The following SPAG16 variants were observed in gnomAD, a reference collection of about 807,000 sequenced individuals.
SPAG16 encodes sperm associated antigen 16.
In SPAG16, 86 loss-of-function variants were observed where a neutral mutation model predicts 80.4. The ratio of observed to expected loss-of-function variants is 1.07; its 90% CI spans 0.90 to 1.28. The LOEUF is 1.28. SPAG16 is among the 50% of genes most tolerant of loss of function. The pLI is 0.00. For synonymous variants in SPAG16, 294 were observed against 265.9 expected (o/e 1.11, Z -1.03); for missense variants, 870 against 765.3 (o/e 1.14, Z -1.61).
intron 15 of SPAG16, among the ~76,000 whole-genome samples, chr2:214,395,353 C>T (rs1265624903): frequency 6.6e-6 from 1 of 152,188 alleles, no homozygotes. Context: ...TATTGCTCCA[C>T]ATTCTCACCA....
intron 10 of SPAG16, among the ~76,000 whole-genome samples, chr2:213,810,975 T>C (rs936235359): frequency 1.3e-5 from 2 of 152,180 alleles, no homozygotes; most frequent in African/African-American, 2.4e-5. Flanking sequence ...AGCTGTTTGA[T>C]CCTTCTTCTG....
chr2:213,319,449 A>G (rs891968082), intron 5 of SPAG16, among the ~76,000 whole-genome samples: 2 of 151,922 alleles, frequency 1.3e-5, no homozygotes, highest in African/African-American at 2.4e-5. Context: ...AGAATTTTAT[A>G]TTTTACATTA....
At chr2:214,015,531 G>A (rs905611331) in intron 13 of SPAG16, among the ~76,000 whole-genome samples, 1 of 151,488 alleles carries the variant, frequency 6.6e-6, no homozygotes, top group Non-Finnish European at 1.5e-5. Context: ...CCAGGAGGCG[G>A]AAGTTGCAGT....
At chr2:213,557,777 C>A (rs1414871547) in intron 10 of SPAG16, among the ~76,000 whole-genome samples, 2 of 152,136 alleles carry the variant, frequency 1.3e-5, no homozygotes, top group Admixed American at 6.5e-5. Context: ...GAAAATACTT[C>A]TTTTTTCAGA....
chr2:213,590,852 A>G (rs1361591971), intron 10 of SPAG16, among the ~76,000 whole-genome samples: 1 of 152,084 alleles, frequency 6.6e-6, no homozygotes, highest in Non-Finnish European at 1.5e-5. Context: ...CTACACTCAT[A>G]TGTTTATCAC....
At chr2:213,406,931 G>A (rs1275367668) in intron 9 of SPAG16, among the ~76,000 whole-genome samples, 5 of 127,372 alleles carry the variant, frequency 3.9e-5, no homozygotes, top group African/African-American at 6.7e-5. Context: ...TCAGCGACGC[G>A]GATTTAAAAA....
chr2:214,349,542 C>G (rs141859189), intron 15 of SPAG16, among the ~76,000 whole-genome samples: 124 of 152,320 alleles, frequency 8.1e-4, no homozygotes, highest in African/African-American at 2.7e-3. Context: ...GTTATGAACA[C>G]TCTTGCCAAA....
chr2:214,075,898 T>C (rs915771438), intron 13 of SPAG16, among the ~76,000 whole-genome samples: 2 of 152,312 alleles, frequency 1.3e-5, no homozygotes, highest in Admixed American at 1.3e-4. Context: ...TAGTAATTGT[T>C]AATTTTCTTA....
chr2:214,046,211 A>C (rs1035707917), intron 13 of SPAG16, among the ~76,000 whole-genome samples: 3 of 151,990 alleles, frequency 2.0e-5, no homozygotes, highest in Non-Finnish European at 2.9e-5. Flanking sequence ...TGTAATAAAA[A>C]CTCTCCCAGC....
intron 8 of SPAG16, among the ~76,000 whole-genome samples, chr2:213,371,333 G>A (rs1035950127): frequency 3.4e-5 from 5 of 148,996 alleles, no homozygotes; most frequent in Non-Finnish European, 7.4e-5. Flanking sequence ...TGAACCAGGA[G>A]GTTGCAGTGA....
At chr2:213,699,066 T>C (rs1215421167) in intron 10 of SPAG16, among the ~76,000 whole-genome samples, 1 of 152,220 alleles carries the variant, frequency 6.6e-6, no homozygotes, top group Admixed American at 6.5e-5. Flanking sequence ...TTTCCATTGC[T>C]GTTGTTGTAG....
At chr2:213,575,046 A>G (rs1305218618) in intron 10 of SPAG16, among the ~76,000 whole-genome samples, 2 of 152,080 alleles carry the variant, frequency 1.3e-5, no homozygotes, top group Admixed American at 1.3e-4. Flanking sequence ...TAACTGGTGA[A>G]AAGCTTTTTC....
chr2:214,288,774 T>TATTTATTTA (rs1693574566), intron 15 of SPAG16, among the ~76,000 whole-genome samples: 1 of 151,006 alleles, frequency 6.6e-6, no homozygotes, highest in Non-Finnish European at 1.5e-5. Context: ...TTTATTTATT[T>TATTTATTTA]ATTTATTTAT....
At chr2:213,389,040 A>G (rs79767514) in intron 9 of SPAG16, among the ~76,000 whole-genome samples, 2 of 152,212 alleles carry the variant, frequency 1.3e-5, no homozygotes, top group Non-Finnish European at 1.5e-5. Flanking sequence ...ACAGTAATCA[A>G]AACAGTATGG....
At chr2:214,292,262 G>T (rs1483521128) in intron 15 of SPAG16, among the ~76,000 whole-genome samples, 1 of 152,080 alleles carries the variant, frequency 6.6e-6, no homozygotes, top group East Asian at 1.9e-4. Flanking sequence ...GGATCACTGG[G>T]CCTTCTGTAT....
intron 9 of SPAG16, among the ~76,000 whole-genome samples, chr2:213,439,498 T>C (rs956830309): frequency 2.0e-5 from 3 of 152,208 alleles, no homozygotes; most frequent in African/African-American, 4.8e-5. Flanking sequence ...AATGGAATTA[T>C]GTCCTGCAGT....
chr2:213,805,688 A>T (rs1051635347), intron 10 of SPAG16, among the ~76,000 whole-genome samples: 6 of 152,196 alleles, frequency 3.9e-5, no homozygotes, highest in Admixed American at 3.9e-4. Context: ...GAGCCCTTCC[A>T]ACTCCTCCAT....
chr2:213,710,965 T>C (rs1223513376), intron 10 of SPAG16, among the ~76,000 whole-genome samples: 1 of 152,190 alleles, frequency 6.6e-6, no homozygotes, highest in African/African-American at 2.4e-5. Flanking sequence ...TTCTGGAATT[T>C]TTTTTTTAAT....
In SPAG16 at chr2:213,949,179, T is replaced by TTTTTTTTTTTGTTTTTTTTTTTTTTG. The variant is rs1553677669; in HGVS notation, c.1400+19044_1400+19045insGTTTTTTTTTTTTTTGTTTTTTTTTT. Among the ~76,000 whole-genome samples, 258 of 36,192 alleles carry TTTTTTTTTTTGTTTTTTTTTTTTTTG rather than the reference T, an allele frequency of 7.1e-3. 6 individuals are homozygous for TTTTTTTTTTTGTTTTTTTTTTTTTTG. Among genetic ancestry groups the TTTTTTTTTTTGTTTTTTTTTTTTTTG allele is most frequent in the Admixed American group, 0.013 (28 of 2,092 alleles). The allele number at this position is 36,192 out of a possible 152,430, so 23.7% of individuals were successfully genotyped here. On this transcript the variant is annotated intron_variant, in intron 12 of 15. Coordinates refer to ENST00000331683, the MANE Select transcript of SPAG16 (RefSeq NM_024532.5). ...TACTTAATTACAACAGTTTTTTTTT[T>TTTTTTTTTTTGTTTTTTTTTTTTTTG]TTTTTTTTTTTTTTGAGGTAGAGTC...
Sources: allele counts gnomAD v4.1 joint callset (sites outside exome capture counted in the v4.1 genomes callset), GRCh38; gene constraint gnomAD v4.1.1; transcripts MANE v1.5; gene names NCBI Gene and HGNC (gene_info 2026-07-23, HGNC 2026-07-21).